CORIN: variants seen among roughly 807,000 people sequenced by gnomAD.
The protein encoded by CORIN is corin, serine peptidase, also known as atrial natriuretic peptide-converting enzyme.
A neutral mutation model predicts 125.3 loss-of-function variants in CORIN; 117 were observed. The ratio of observed to expected loss-of-function variants is 0.93; its 90% CI spans 0.80 to 1.09. The LOEUF (loss-of-function observed/expected upper bound fraction) is 1.09. Among genes scored for constraint, CORIN ranks in the 50% least tolerant of loss-of-function variants. The probability of loss-of-function intolerance (pLI) is 0.00; values close to 1 mark genes in which losing one functional copy is unlikely to be tolerated. For missense variants in CORIN, 1,253 were observed against 1,306.7 expected, an observed-to-expected ratio of 0.96 and a Z score of 0.63; for synonymous variants, 450 against 466.4, an observed-to-expected ratio of 0.96 and a Z score of 0.45.
chr4:47,753,499 T>A (rs1729001560), intron 4 of CORIN, among the ~76,000 whole-genome samples: 1 of 152,058 alleles, frequency 6.6e-6, no homozygotes, highest in Admixed American at 6.5e-5. Context: ...AGTCCTTATC[T>A]CAACCGCATC....
chr4:47,775,270 C>G (rs1730241311), intron 3 of CORIN, among the ~76,000 whole-genome samples: 1 of 151,716 alleles, frequency 6.6e-6, no homozygotes, highest in Non-Finnish European at 1.5e-5. Context: ...GCACAACGTA[C>G]AGGTTTTTTA....
Position 47,631,521 on chromosome 4 carries a change from G to A in CORIN, c.2199-5000C>T, listed in dbSNP as rs972970004. 5.9e-5 allele frequency among the ~76,000 whole-genome samples: 9 copies of A among 152,182 alleles called. No homozygotes were observed. The East Asian group carries it at 1.7e-3, about 29-fold the overall frequency. Reference sequence around the variant, plus strand: ...CATCACCCTCAGATGGGACCATCTAGTTGCAGGAAAACAAGCTCAGGTTTC... The same window carrying A: ...CATCACCCTCAGATGGGACCATCTAATTGCAGGAAAACAAGCTCAGGTTTC... On this transcript the variant is annotated intron_variant, in intron 16 of 21. Transcript: ENST00000273857.
intron 5 of CORIN, among the ~76,000 whole-genome samples, chr4:47,728,528 T>A (rs1001853120): frequency 1.2e-4 from 19 of 152,210 alleles, no homozygotes; most frequent in African/African-American, 4.6e-4. Context: ...AAATAGATGA[T>A]GTTTTGAATA....
At chr4:47,726,105 C>G (rs1213982462) in intron 5 of CORIN, among the ~76,000 whole-genome samples, 1 of 152,008 alleles carries the variant, frequency 6.6e-6, no homozygotes, top group African/African-American at 2.4e-5. Flanking sequence ...TCTGACAATA[C>G]CAAGTACTGG....
In CORIN at chr4:47,763,300, A is replaced by G. The variant is rs187848139; in HGVS notation, c.617+79T>C. On this transcript the variant is annotated intron_variant, in intron 4 of 21. Transcript: ENST00000273857. ...ATAACAACCAAAATAAAAGGGAGTCATTTGGATAATTTTTTTTCTCCTAGG... is the reference window on the plus strand; with the variant it reads ...ATAACAACCAAAATAAAAGGGAGTCGTTTGGATAATTTTTTTTCTCCTAGG... 2.7e-4 allele frequency: 302 copies of G among 1,102,290 alleles called. 1 individual carries two copies. The African/African-American group carries it at 4.4e-3, about 16-fold the overall frequency. The allele number at this position is 1,102,290 out of a possible 1,614,324, so 68.3% of individuals were successfully genotyped here.
intron 4 of CORIN, among the ~76,000 whole-genome samples, chr4:47,753,147 G>T (rs1047399864): frequency 6.6e-6 from 1 of 152,072 alleles, no homozygotes; most frequent in Non-Finnish European, 1.5e-5. Flanking sequence ...TGGTAGATCC[G>T]TGATGTCCCC....
chr4:47,790,906 T>C (rs1217143658), intron 2 of CORIN, among the ~76,000 whole-genome samples: 1 of 149,702 alleles, frequency 6.7e-6, no homozygotes, highest in Non-Finnish European at 1.5e-5. Context: ...TTCAGCTCTA[T>C]AGCCAAAAAA....
At chr4:47,776,337 G>A (rs1408674153) in intron 3 of CORIN, among the ~76,000 whole-genome samples, 1 of 152,038 alleles carries the variant, frequency 6.6e-6, no homozygotes, top group Non-Finnish European at 1.5e-5. Flanking sequence ...CCAGACTGGA[G>A]TGCAATGGTG....
intron 5 of CORIN, among the ~76,000 whole-genome samples, chr4:47,707,178 CTT>C (rs1271068721): frequency 6.6e-6 from 1 of 152,060 alleles, no homozygotes; most frequent in African/African-American, 2.4e-5. Context: ...ATAAGATAAA[CTT>C]TTTTATCTTT....
chr4:47,669,553 C>CTATATATA (rs67123208), intron 10 of CORIN, among the ~76,000 whole-genome samples: 10 of 144,574 alleles, frequency 6.9e-5, no homozygotes, highest in African/African-American at 2.3e-4. Context: ...CCTTGCTCTT[C>CTATATATA]TATATATATA....
chr4:47,674,308 T>C, intron 10 of CORIN, 85 bp downstream of exon 10: 2 of 963,034 alleles, frequency 2.1e-6, no homozygotes. Context: ...GATTCCAGAC[T>C]TCAGTATTTG....
intron 21 of CORIN, among the ~76,000 whole-genome samples, chr4:47,597,860 C>G (rs777570077): frequency 1.4e-4 from 21 of 152,208 alleles, no homozygotes; most frequent in Non-Finnish European, 2.9e-4. Flanking sequence ...GTTTTTGTCC[C>G]AGAACAGCCA....
chr4:47,653,559 T>C lies in CORIN; in HGVS notation c.1837A>G (p.Asn613Asp). The change falls in exon 13 of 22, where the codon AAC becomes GAC. Residue 613 changes from asparagine to aspartate, a missense_variant. Coordinates refer to ENST00000273857, the MANE Select transcript of CORIN (RefSeq NM_006587.4). The stretch of plus-strand genomic sequence containing the variant: ...TACCATTGCACATACATACCACAGT[T>C]TTCCTCATCACTGTCATCGTCACAG... Reference protein sequence around the residue: ...ADCDDDSDEENCGCKERDLWE... With the variant: ...ADCDDDSDEEDCGCKERDLWE... 6.2e-7 allele frequency: 1 copy of C among 1,612,916 alleles called. No homozygotes were observed. The highest frequency in any genetic ancestry group is 8.5e-7 in the Non-Finnish European group (1 of 1,178,880).
At chr4:47,722,784 C>T (rs557973486) in intron 5 of CORIN, among the ~76,000 whole-genome samples, 5 of 152,146 alleles carry the variant, frequency 3.3e-5, no homozygotes, top group Non-Finnish European at 7.3e-5. Flanking sequence ...TCCCACCTTA[C>T]CTCCCCCTGT....
chr4:47,838,029 A>T lies in CORIN; in HGVS notation c.-80T>A. On this transcript the variant is annotated 5_prime_UTR_variant, in exon 1 of 22. Coordinates refer to ENST00000273857, the MANE Select transcript of CORIN (RefSeq NM_006587.4). ...TCCTCTACGTGTCCCCCGGGGAGGC[A>T]CTACGGATGATTTTCTCCAAGCTCA... 6.3e-7 allele frequency: 1 copy of T among 1,585,916 alleles called. No individual in the cohort carries two copies. Among genetic ancestry groups the T allele is most frequent in the Non-Finnish European group, 8.5e-7 (1 of 1,173,714 alleles).
intron 1 of CORIN, among the ~76,000 whole-genome samples, chr4:47,812,123 T>A (rs1466938827): frequency 3.3e-5 from 5 of 152,140 alleles, no homozygotes; most frequent in African/African-American, 9.7e-5. Flanking sequence ...CAGACAAAAC[T>A]ATTTGTTGCT....
In CORIN at chr4:47,626,537, T is replaced by C; in HGVS notation, c.2199-16A>G. The C allele has an allele frequency of 6.9e-7, 1 of 1,440,842 alleles. No homozygotes were observed. Among genetic ancestry groups the C allele is most frequent in the Non-Finnish European group, 9.8e-7 (1 of 1,022,102 alleles). 89.3% of individuals were successfully genotyped at this position (1,440,842 alleles called of 1,614,324 possible). On this transcript the variant is annotated splice_polypyrimidine_tract_variant and intron_variant, in intron 16 of 21. Transcript: ENST00000273857. ...AGATGGTTCTCTGATACAAGGCAAA[T>C]ACTGGATAAGTATTCAAAGTACAAT...
chr4:47,803,511 CAGACTGAT>C (rs1356847353), intron 2 of CORIN, among the ~76,000 whole-genome samples: 7 of 152,102 alleles, frequency 4.6e-5, no homozygotes, highest in Non-Finnish European at 7.4e-5. Flanking sequence ...AACAGACACA[CAGACTGAT>C]GGAACAGAAT....
chr4:47,653,734 G>A (rs557160083), intron 12 of CORIN, 74 bp from the exon 13 acceptor site: 1 of 1,324,674 alleles, frequency 7.5e-7, no homozygotes, highest in African/African-American at 1.5e-5. Flanking sequence ...TTACATGTAG[G>A]ATGTTGTCAA....
Sources: allele counts gnomAD v4.1 joint callset (sites outside exome capture counted in the v4.1 genomes callset), GRCh38; gene constraint gnomAD v4.1.1; transcripts MANE v1.5; gene names NCBI Gene and HGNC (gene_info 2026-07-23, HGNC 2026-07-21).